Variants in CCDC178 observed in about 807,000 individuals in gnomAD.
CCDC178 encodes the protein coiled-coil domain containing 178, also known as coiled-coil domain-containing protein 178.
Under a neutral mutation model 117.4 loss-of-function variants are expected in CCDC178, and 126 were observed. The ratio of observed to expected loss-of-function variants is 1.07; its 90% CI spans 0.93 to 1.24. The LOEUF is 1.24. CCDC178 is among the 50% of genes most tolerant of loss of function. The pLI is 0.00. For synonymous variants in CCDC178, 283 were observed against 313.4 expected (o/e 0.90, Z 1.02); for missense variants, 1,030 against 986.9 (o/e 1.04, Z -0.59).
At chr18:33,100,388 T>G (rs1367261809) in intron 20 of CCDC178, among the ~76,000 whole-genome samples, 2 of 152,092 alleles carry the variant, frequency 1.3e-5, no homozygotes, top group East Asian at 3.9e-4. Context: ...GACCAAGAAT[T>G]ATTGATAATA....
At chr18:33,149,171 T>C (rs778169976) in intron 20 of CCDC178, among the ~76,000 whole-genome samples, 2 of 152,158 alleles carry the variant, frequency 1.3e-5, no homozygotes, top group African/African-American at 4.8e-5. Context: ...ATAGTGGACA[T>C]TGTAATACTC....
intron 20 of CCDC178, among the ~76,000 whole-genome samples, chr18:33,096,657 G>T (rs1231829831): frequency 6.6e-6 from 1 of 151,924 alleles, no homozygotes; most frequent in Non-Finnish European, 1.5e-5. Context: ...AGCAATGGAA[G>T]CAAAAATGAA....
At chr18:33,254,251 A>AACACACACACAC (rs34689445) in intron 14 of CCDC178, among the ~76,000 whole-genome samples, 2 of 135,384 alleles carry the variant, frequency 1.5e-5, no homozygotes, top group Non-Finnish European at 3.2e-5. Context: ...TCTATTGAGA[A>AACACACACACAC]ACACACACAC....
At chr18:33,325,788 C>T (rs4422050) in intron 10 of CCDC178, among the ~76,000 whole-genome samples, 8,145 of 152,114 alleles carry the variant, frequency 0.054, 700 homozygotes, top group African/African-American at 0.18. Flanking sequence ...GATCTTACAA[C>T]GCATCTTTTG....
At chr18:33,317,677 G>A (rs1482186751) in intron 11 of CCDC178, among the ~76,000 whole-genome samples, 1 of 152,074 alleles carries the variant, frequency 6.6e-6, no homozygotes, top group Non-Finnish European at 1.5e-5. Context: ...AGTTGTAGAA[G>A]ACAGACTTTT....
At chr18:32,947,868 A>T (rs1278214819) in intron 22 of CCDC178, among the ~76,000 whole-genome samples, 1 of 152,106 alleles carries the variant, frequency 6.6e-6, no homozygotes, top group Non-Finnish European at 1.5e-5. Flanking sequence ...TTTTGAGTTA[A>T]TTTTTGCATA....
intron 2 of CCDC178, among the ~76,000 whole-genome samples, chr18:33,434,911 C>T (rs144316085): frequency 2.0e-4 from 30 of 152,064 alleles, no homozygotes; most frequent in African/African-American, 6.5e-4. Context: ...TCAAATTTTC[C>T]GCTAATTTTC....
chr18:32,946,936 C>T (rs1429697433), intron 22 of CCDC178, among the ~76,000 whole-genome samples: 6 of 151,884 alleles, frequency 4.0e-5, no homozygotes, highest in Admixed American at 3.9e-4. Flanking sequence ...CGCACCACCA[C>T]GCCCGGCTAA....
intron 11 of CCDC178, 130 bp downstream of exon 11, chr18:33,323,361 A>C (rs868397450): frequency 3.9e-5 from 18 of 459,086 alleles, no homozygotes; most frequent in African/African-American, 2.6e-4. Flanking sequence ...CTTGGTGATA[A>C]GACAGGTATG....
intron 15 of CCDC178, among the ~76,000 whole-genome samples, chr18:33,227,575 T>C (rs1252342756): frequency 3.0e-4 from 43 of 144,266 alleles, no homozygotes; most frequent in African/African-American, 1.0e-3. Flanking sequence ...TATATATATA[T>C]ATATACACAC....
chr18:33,215,647 T>A lies in CCDC178; in HGVS notation c.1981A>T (p.Thr661Ser), dbSNP rs370176857. The A allele has an allele frequency of 1.9e-4, 285 of 1,539,432 alleles. No homozygotes were observed. Among genetic ancestry groups the A allele is most frequent in the Non-Finnish European group, 2.4e-4 (273 of 1,150,532 alleles). Residue 661 changes from threonine to serine, a missense_variant, in exon 19 of 23, where the codon ACA becomes TCA. Coordinates refer to ENST00000383096, the MANE Select transcript of CCDC178 (RefSeq NM_001105528.4). ...FKDLEATKSK[T>S]MIFYAKINEL... ...TTTATTTTTGCATAAAAAATCATTGTCTTACTTTTAGTTGCTTCTAGGTCT... is the reference window on the plus strand; with the variant it reads ...TTTATTTTTGCATAAAAAATCATTGACTTACTTTTAGTTGCTTCTAGGTCT...
At chr18:33,025,376 T>A (rs2056206754) in intron 21 of CCDC178, among the ~76,000 whole-genome samples, 1 of 152,034 alleles carries the variant, frequency 6.6e-6, no homozygotes. Flanking sequence ...ACATAATGTA[T>A]AGAAGGAAGA....
chr18:33,055,406 G>T (rs2056813205), intron 21 of CCDC178, among the ~76,000 whole-genome samples: 1 of 151,880 alleles, frequency 6.6e-6, no homozygotes, highest in South Asian at 2.1e-4. Flanking sequence ...GCATGAACAT[G>T]GCTCACTGTA....
At chr18:33,306,828 TGGGGTGG>T in intron 11 of CCDC178, among the ~76,000 whole-genome samples, 1 of 151,930 alleles carries the variant, frequency 6.6e-6, no homozygotes, top group Non-Finnish European at 1.5e-5. Flanking sequence ...ATTTAATCAT[TGGGGTGG>T]TTTCCTTCAT....
At chr18:33,257,553 C>G (rs2059695781) in intron 14 of CCDC178, among the ~76,000 whole-genome samples, 1 of 152,116 alleles carries the variant, frequency 6.6e-6, no homozygotes, top group South Asian at 2.1e-4. Flanking sequence ...CAATTACTTT[C>G]AATGCATTGA....
Position 32,954,308 on chromosome 18 carries a change from A to G in CCDC178, c.2524-16217T>C, listed in dbSNP as rs1361551354. ...TCTAAGCACTCCACAGGGTATGATG[A>G]TGAATAAATCATGAACCCTTCTTAC... On this transcript the variant is annotated intron_variant, in intron 22 of 22. Coordinates refer to ENST00000383096, the MANE Select transcript of CCDC178 (RefSeq NM_001105528.4). 2.0e-5 allele frequency among the ~76,000 whole-genome samples: 3 copies of G among 152,188 alleles called. No individual in the cohort carries two copies. In the East Asian group the frequency reaches 5.8e-4, roughly 29 times the overall value.
chr18:33,044,402 G>A (rs2056604664), intron 21 of CCDC178, among the ~76,000 whole-genome samples: 1 of 151,738 alleles, frequency 6.6e-6, no homozygotes, highest in African/African-American at 2.4e-5. Context: ...ACAATCCCAA[G>A]ATCTAATCCT....
chr18:32,983,322 T>G, intron 21 of CCDC178: 1 of 1,531,890 alleles, frequency 6.5e-7, no homozygotes, highest in East Asian at 2.4e-5. Flanking sequence ...GGCAGAGAGT[T>G]TGGAAGTTTC....
At position 33,369,949 on chromosome 18, in the gene CCDC178, T is replaced by G. The variant is rs79295155; in HGVS notation, c.348+101A>C. The G allele has an allele frequency of 2.1e-3, 2,047 of 952,550 alleles. 24 individuals are homozygous for G. In the African/African-American group the frequency reaches 0.032, roughly 15 times the overall value. The allele number at this position is 952,550 out of a possible 1,614,324, so 59.0% of individuals were successfully genotyped here. ...AGATTCTTAAAAAGCATTCCAATTA[T>G]CATTTAAAAAGTCCAGAGTTTCCTG... is the stretch of plus-strand genomic sequence containing the variant. On this transcript the variant is annotated intron_variant, in intron 6 of 22. Coordinates refer to ENST00000383096, the MANE Select transcript of CCDC178 (RefSeq NM_001105528.4).
Sources: gnomAD v4.1 joint callset for allele counts (sites outside exome capture counted in the v4.1 genomes callset) on GRCh38, gnomAD v4.1.1 for gene constraint, MANE v1.5 for transcripts, NCBI Gene and HGNC (gene_info 2026-07-23, HGNC 2026-07-21) for gene names.